Variants in IL4I1 observed in about 807,000 individuals in gnomAD.
IL4I1 encodes L-amino-acid oxidase.
In IL4I1, 24 loss-of-function variants were observed where a neutral mutation model predicts 29.7. The observed-to-expected ratio is 0.81, with a 90% CI of 0.59 to 1.14. IL4I1 has a LOEUF of 1.14. IL4I1 is among the 50% of genes most tolerant of loss of function. IL4I1 has a pLI of 0.00. For synonymous variants in IL4I1, 371 were observed against 352.5 expected, an observed-to-expected ratio of 1.05 and a Z score of -0.59; for missense variants, 686 against 785.6, an observed-to-expected ratio of 0.87 and a Z score of 1.52.
chr19:49,922,529 G>A (rs897146692), intron 2 of IL4I1, among the ~76,000 whole-genome samples: 5 of 151,814 alleles, frequency 3.3e-5, no homozygotes, highest in African/African-American at 9.7e-5. Flanking sequence ...CTCAATCCTC[G>A]GAGACTCTTG....
intron 3 of IL4I1, among the ~76,000 whole-genome samples, chr19:49,902,680 T>C (rs2075281405): frequency 6.6e-6 from 1 of 151,666 alleles, no homozygotes; most frequent in African/African-American, 2.4e-5. Context: ...ATACAAAAAT[T>C]AGCCAGGCGT....
upstream of IL4I1, among the ~76,000 whole-genome samples, chr19:49,900,863 T>G (rs2075265061): frequency 6.6e-6 from 1 of 152,188 alleles, no homozygotes; most frequent in Admixed American, 6.5e-5. Flanking sequence ...TCCTACCTTA[T>G]TTGGTTGACT....
intron 2 of IL4I1, among the ~76,000 whole-genome samples, chr19:49,923,161 G>A (rs2075804729): frequency 6.6e-6 from 1 of 152,082 alleles, no homozygotes; most frequent in Non-Finnish European, 1.5e-5. Context: ...GAGGACTGTG[G>A]GCCACGTGGC....
chr19:49,909,841 C>T, intron 2 of IL4I1: 1 of 1,608,904 alleles, frequency 6.2e-7, no homozygotes, highest in African/African-American at 1.3e-5. Context: ...GCTACTCTGG[C>T]TCCCAAAGCA....
intron 1 of IL4I1, 34 bp from the exon 2 acceptor site, chr19:49,896,216 T>C (rs779792571): frequency 2.3e-5 from 34 of 1,479,020 alleles, no homozygotes; most frequent in Non-Finnish European, 4.5e-6. Flanking sequence ...CTGTTGTGAC[T>C]GAGGCCTGTG....
Position 49,921,977 on chromosome 19 carries a change from G to A in IL4I1, c.-228+5717C>T, listed in dbSNP as rs2075775525. ...AGCAGCCCCGACGGCAGGGCCCTAG[G>A]GCCCCAGGCCAGGCCACCACGACCA... is the stretch of plus-strand genomic sequence containing the variant. On this transcript the variant is annotated intron_variant, in intron 2 of 9. Transcript: ENST00000341114. This position sits in a 1 kb window ranked among gnomAD's most constrained non-coding sequence, Gnocchi z 5.4. Among the ~76,000 whole-genome samples, 1 of 152,146 alleles carries A rather than the reference G, an allele frequency of 6.6e-6. No individual in the cohort carries two copies. Among genetic ancestry groups the A allele is most frequent in the Non-Finnish European group, 1.5e-5 (1 of 68,004 alleles).
Position 49,890,123 on chromosome 19 carries a change from G to A in IL4I1, c.1251C>T (p.Arg417=). The A allele has an allele frequency of 6.5e-7, 1 of 1,543,500 alleles. No homozygotes were observed. The highest frequency in any genetic ancestry group is 8.7e-7 in the Non-Finnish European group (1 of 1,145,186). ...ATGCCGCCACGTCGTCGAGCGCCAA[G>A]CGCAACGCCTCTTCCCGGCTCAAGC... ...FAGLSREEAL[R]LALDDVAALH... The change falls in exon 8 of 8, where the codon CGC becomes CGT. Residue 417 remains arginine (R), a synonymous_variant. Coordinates refer to ENST00000391826, the MANE Select transcript of IL4I1 (RefSeq NM_152899.2).
intron 2 of IL4I1, chr19:49,909,817 C>G (rs771851940): frequency 1.9e-6 from 3 of 1,613,632 alleles, no homozygotes; most frequent in Non-Finnish European, 8.5e-7. Flanking sequence ...TGGCTCCGGA[C>G]TCTGGTGGCG....
At chr19:49,894,231 G>C in intron 5 of IL4I1, 37 bp downstream of exon 5, 1 of 1,591,540 alleles carries the variant, frequency 6.3e-7, no homozygotes, top group East Asian at 2.3e-5. Flanking sequence ...GGAGGACAGA[G>C]AAGTCAGGGC....
At chr19:49,907,875 T>A in intron 2 of IL4I1, 1 of 375,016 alleles carries the variant, frequency 2.7e-6, no homozygotes, top group Non-Finnish European at 5.0e-6. Flanking sequence ...TCATGACACC[T>A]ATGACTATGC....
Position 49,890,453 on chromosome 19 carries a change from C to T in IL4I1, c.921G>A (p.Ala307=), listed in dbSNP as rs1304132726. 25 of 1,611,684 alleles carry T rather than the reference C, an allele frequency of 1.6e-5. No homozygotes were observed. Among genetic ancestry groups the T allele is most frequent in the Non-Finnish European group, 2.1e-5 (25 of 1,179,778 alleles). ...CGGCCTTCAGCACCTTCAGATTCCG[C>T]GCCGGGGGAGAGGTCTCGATCTGCA... is the stretch of plus-strand genomic sequence containing the variant. ...VHVQIETSPP[A]RNLKVLKADV... The change falls in exon 8 of 8, where the codon GCG becomes GCA. Residue 307 remains alanine (A), a synonymous_variant. Transcript: ENST00000391826.
intron 4 of IL4I1, among the ~76,000 whole-genome samples, 184 bp downstream of exon 4, chr19:49,894,884 C>T (rs1270885335): frequency 6.6e-6 from 1 of 151,966 alleles, no homozygotes; most frequent in Non-Finnish European, 1.5e-5. Context: ...GACCAGGTGG[C>T]CCGAGTGTTG....
At chr19:49,926,796 C>A (rs1371441168) in intron 2 of IL4I1, among the ~76,000 whole-genome samples, 1 of 151,878 alleles carries the variant, frequency 6.6e-6, no homozygotes, top group Non-Finnish European at 1.5e-5. Flanking sequence ...AGGCGTTAGT[C>A]TAACTGCTCG....
chr19:49,890,870 A>G (rs2075126041), intron 7 of IL4I1, 101 bp downstream of exon 7: 7 of 1,058,160 alleles, frequency 6.6e-6, no homozygotes, highest in Admixed American at 2.8e-5. Flanking sequence ...CACGCCCTTC[A>G]CAACAGCCCC....
chr19:49,922,044 AAC>A (rs1177007667), intron 2 of IL4I1, among the ~76,000 whole-genome samples: 6 of 152,324 alleles, frequency 3.9e-5, no homozygotes, highest in Non-Finnish European at 8.8e-5. Context: ...ATCACGCCTC[AAC>A]ACAGACAACA....
upstream of IL4I1, among the ~76,000 whole-genome samples, chr19:49,899,456 C>T (rs2075250763): frequency 6.6e-6 from 1 of 152,118 alleles, no homozygotes; most frequent in African/African-American, 2.4e-5. Flanking sequence ...ACAATCTCGG[C>T]TCACTGCAGC....
At chr19:49,895,698 T>TGCCCCCCCAACCCCCCCCCCC in intron 3 of IL4I1, 117 bp downstream of exon 3, 1 of 705,418 alleles carries the variant, frequency 1.4e-6, no homozygotes, top group Non-Finnish European at 2.4e-6. Context: ...AGATAGCCTC[T>TGCCCCCCCAACCCCCCCCCCC]CCCCCCACAT....
At chr19:49,899,253 C>T (rs967331972), upstream of IL4I1, among the ~76,000 whole-genome samples, 4 of 152,234 alleles carry the variant, frequency 2.6e-5, no homozygotes, top group African/African-American at 9.6e-5. Context: ...GGGCATGTCC[C>T]AGGAGTTTTT....
At chr19:49,891,251 G>A in intron 6 of IL4I1, 144 bp from the exon 7 acceptor site, 4 of 1,434,782 alleles carry the variant, frequency 2.8e-6, no homozygotes, top group Non-Finnish European at 3.8e-6. Context: ...GAGGGAAACG[G>A]AGGTCCAGAC....
Sources: gnomAD v4.1 joint callset for allele counts (sites outside exome capture counted in the v4.1 genomes callset) on GRCh38, gnomAD v4.1.1 for gene constraint, Gnocchi (gnomAD v3.1) non-coding constraint, MANE v1.5 for transcripts, NCBI Gene and HGNC (gene_info 2026-07-23, HGNC 2026-07-21) for gene names.